PDZD2: variants seen among roughly 807,000 people sequenced by gnomAD.
PDZD2 encodes PDZ domain containing 2, also known as PDZ domain-containing protein 2.
Under a neutral mutation model 220.7 loss-of-function variants are expected in PDZD2, and 90 were observed. The ratio of observed to expected loss-of-function variants is 0.41; its 90% confidence interval spans 0.34 to 0.49. The LOEUF is 0.49. PDZD2 is among the 20% of genes least tolerant of loss of function. The pLI is 0.28. For missense variants in PDZD2, 3,174 were observed against 3,608.5 expected (o/e 0.88, Z 3.08); for synonymous variants, 1,375 against 1,450.5 (o/e 0.95, Z 1.18).
chr5:31,820,402 CTT>C (rs151204935), intron 2 of PDZD2, among the ~76,000 whole-genome samples: 61,609 of 151,992 alleles, frequency 0.41, 13,074 homozygotes, highest in Non-Finnish European at 0.48. Context: ...TGTGACTACA[CTT>C]TTTCACTTAA....
At chr5:31,881,724 A>AT (rs953857567) in intron 2 of PDZD2, among the ~76,000 whole-genome samples, 27 of 145,618 alleles carry the variant, frequency 1.9e-4, no homozygotes, top group Admixed American at 7.0e-4. Flanking sequence ...ATACACACAC[A>AT]TTTTTTTTTG....
At chr5:31,961,774 G>T (rs2111701869) in intron 2 of PDZD2, among the ~76,000 whole-genome samples, 1 of 152,228 alleles carries the variant, frequency 6.6e-6, no homozygotes, top group South Asian at 2.1e-4. Flanking sequence ...CTCCTAACTA[G>T]CTGGGATTAT....
chr5:32,104,616 AG>A (rs1744563640), intron 24 of PDZD2, among the ~76,000 whole-genome samples: 1 of 144,138 alleles, frequency 6.9e-6, no homozygotes. Flanking sequence ...GCTACTCAGG[AG>A]GCTGAGGCAG....
intron 6 of PDZD2, among the ~76,000 whole-genome samples, chr5:32,011,309 C>A (rs552896894): frequency 6.8e-6 from 1 of 147,870 alleles, no homozygotes; most frequent in Non-Finnish European, 1.5e-5. Flanking sequence ...GCCAACATGA[C>A]GAAACCCCAT....
chr5:31,804,273 A>G (rs1483444286), intron 2 of PDZD2, among the ~76,000 whole-genome samples: 1 of 152,168 alleles, frequency 6.6e-6, no homozygotes, highest in Non-Finnish European at 1.5e-5. Context: ...GGGAAGGCCA[A>G]CACCTATTAC....
chr5:31,881,373 TA>T (rs370010409), intron 2 of PDZD2, among the ~76,000 whole-genome samples: 3,216 of 135,550 alleles, frequency 0.024, 177 homozygotes, highest in African/African-American at 0.078. Context: ...TGTGTGTATA[TA>T]TTTTTTTTTT....
intron 3 of PDZD2, among the ~76,000 whole-genome samples, chr5:31,992,307 G>A (rs2111943697): frequency 6.6e-6 from 1 of 152,290 alleles, no homozygotes; most frequent in Non-Finnish European, 1.5e-5. Context: ...GCCCTCTGAA[G>A]CCAGTTTTAT....
At chr5:31,889,866 C>T (rs138803027) in intron 2 of PDZD2, among the ~76,000 whole-genome samples, 346 of 152,138 alleles carry the variant, frequency 2.3e-3, no homozygotes, top group African/African-American at 7.8e-3. Flanking sequence ...ACTAAATGTA[C>T]AAAAATTAGC....
chr5:31,737,174 T>C (rs1395851242), intron 1 of PDZD2, among the ~76,000 whole-genome samples: 15 of 134,980 alleles, frequency 1.1e-4, no homozygotes, highest in South Asian at 1.1e-3. Context: ...CTTCTTTTTT[T>C]TTTTTTTTTT....
Position 32,091,235 on chromosome 5 carries a change from A to G in PDZD2, c.7727+60A>G, listed in dbSNP as rs1743125112. 3.5e-6 allele frequency: 4 copies of G among 1,128,812 alleles called. 1 individual carries two copies. The Middle Eastern group carries it at 7.6e-4, about 215-fold the overall frequency. The allele number at this position is 1,128,812 out of a possible 1,614,324, so 69.9% of individuals were successfully genotyped here. A position where few individuals can be genotyped will look rare whatever the true frequency, so the allele number is the denominator to read the frequency against. On this transcript the variant is annotated intron_variant, in intron 20 of 24. Transcript: ENST00000438447. ...ACTTGTTTCATTTTGGAATAGTTTT[A>G]GATTTATAGAAAAGTTGCAAAGATA...
chr5:31,887,180 G>A (rs142014927), intron 2 of PDZD2, among the ~76,000 whole-genome samples: 46 of 152,276 alleles, frequency 3.0e-4, no homozygotes, highest in Admixed American at 7.8e-4. Context: ...ATCCTACAAC[G>A]TAGTGGATAT....
chr5:31,806,025 C>G (rs1052378868), intron 2 of PDZD2, among the ~76,000 whole-genome samples: 1 of 152,118 alleles, frequency 6.6e-6, no homozygotes, highest in African/African-American at 2.4e-5. Context: ...CCTCTAAAAC[C>G]GTGACACAGT....
At chr5:31,871,334 C>T (rs974684257) in intron 2 of PDZD2, among the ~76,000 whole-genome samples, 1 of 152,184 alleles carries the variant, frequency 6.6e-6, no homozygotes, top group South Asian at 2.1e-4. Context: ...GCCTTTTGAT[C>T]TAATGGAGAA....
intron 2 of PDZD2, among the ~76,000 whole-genome samples, chr5:31,942,163 G>T (rs945988120): frequency 3.9e-5 from 6 of 152,198 alleles, no homozygotes; most frequent in Non-Finnish European, 7.3e-5. Flanking sequence ...TCTGAAATCT[G>T]TGAGGTTTCC....
In PDZD2 at chr5:32,109,904, T is replaced by G. The variant is rs190160439; in HGVS notation, c.*1769T>G. The stretch of plus-strand genomic sequence containing the variant: ...TAGCTGGCTTGTCTGAGTCCAGATT[T>G]CTCATCAACTGGCAATACAAAGGAA... On this transcript the variant is annotated 3_prime_UTR_variant, in exon 25 of 25. Coordinates refer to ENST00000438447, the MANE Select transcript of PDZD2 (RefSeq NM_178140.4). 1.3e-5 allele frequency: 2 copies of G among 152,768 alleles called. No homozygotes were observed. Among genetic ancestry groups the G allele is most frequent in the East Asian group, 3.9e-4 (2 of 5,192 alleles). 9.5% of individuals were successfully genotyped at this position (152,768 alleles called of 1,614,324 possible).
chr5:32,048,558 G>T lies in PDZD2; in HGVS notation c.1539G>T (p.Glu513Asp). 6.2e-7 allele frequency: 1 copy of T among 1,613,960 alleles called. No individual in the cohort carries two copies. The highest frequency in any genetic ancestry group is 8.5e-7 in the Non-Finnish European group (1 of 1,179,860). Residue 513 changes from glutamate (E) to aspartate (D), a missense_variant, in exon 8 of 25, where the codon GAG (glutamate) becomes GAT (aspartate). By Grantham distance (45) the Glu-to-Asp change is conservative. Transcript: ENST00000438447. ...CTCAAGGGGGTGTACACCGCCTTGAGTCAGTTGAAGAATATAACGAGCTGA... is the reference window on the plus strand; with the variant it reads ...CTCAAGGGGGTGTACACCGCCTTGATTCAGTTGAAGAATATAACGAGCTGA... ...SRLSGGVHRL[E>D]SVEEYNELMV...
chr5:31,707,267 T>C (rs59325167), intron 1 of PDZD2, among the ~76,000 whole-genome samples: 7,984 of 151,954 alleles, frequency 0.053, 271 homozygotes, highest in Middle Eastern at 0.11. Flanking sequence ...CAAACCTGCA[T>C]GTTGTGCACG....
chr5:31,869,035 A>G (rs996078001), intron 2 of PDZD2, among the ~76,000 whole-genome samples: 1 of 152,106 alleles, frequency 6.6e-6, no homozygotes, highest in African/African-American at 2.4e-5. Context: ...GGCCTCCCAA[A>G]GTTCTGGGAT....
At chr5:32,003,447 C>A (rs1581253758) in intron 5 of PDZD2, among the ~76,000 whole-genome samples, 1 of 85,670 alleles carries the variant, frequency 1.2e-5, no homozygotes, top group African/African-American at 5.3e-5. Context: ...CCTACACACT[C>A]CCCCCAACAC....
Sources: gnomAD v4.1 joint callset for allele counts (sites outside exome capture counted in the v4.1 genomes callset) on GRCh38, gnomAD v4.1.1 for gene constraint, MANE v1.5 for transcripts, NCBI Gene and HGNC (gene_info 2026-07-23, HGNC 2026-07-21) for gene names.